Variants in COL13A1 observed in about 807,000 individuals in gnomAD.
The protein encoded by COL13A1 is collagen type XIII alpha 1 chain.
Under a neutral mutation model 130.9 loss-of-function variants are expected in COL13A1, and 89 were observed. The observed-to-expected ratio is 0.68, with a 90% CI of 0.57 to 0.81. The LOEUF is 0.81. Ranked by LOEUF, COL13A1 falls within the 30% of genes least tolerant of loss-of-function variation. The pLI, the probability that COL13A1 is intolerant of heterozygous loss-of-function variation, is 0.00. For synonymous variants in COL13A1, 402 were observed against 341.6 expected (o/e 1.18, Z -1.95); for missense variants, 879 against 934.6 (o/e 0.94, Z 0.78).
At chr10:69,859,742 C>T (rs1857452025) in intron 2 of COL13A1, among the ~76,000 whole-genome samples, 1 of 152,250 alleles carries the variant, frequency 6.6e-6, no homozygotes, top group Non-Finnish European at 1.5e-5. Flanking sequence ...TCACAAGGCC[C>T]AGAGCCACAG....
At chr10:69,912,460 G>A (rs1185202969) in intron 17 of COL13A1, among the ~76,000 whole-genome samples, 7 of 152,140 alleles carry the variant, frequency 4.6e-5, no homozygotes, top group Admixed American at 3.9e-4. Context: ...TTTATAGGGA[G>A]AAAACCGTTA....
At position 69,875,115 on chromosome 10, in the gene COL13A1, CCTT is replaced by C; in HGVS notation, c.400-11_400-9del. On this transcript the variant is annotated splice_polypyrimidine_tract_variant and intron_variant, in intron 4 of 40. Coordinates refer to ENST00000645393, the MANE Select transcript of COL13A1 (RefSeq NM_001368882.1). ...CAACCACATCTGACTGTTTCTGCCT[CCTT>C]CATCATCAGGGGGACAAAGGTGCCA... 4 of 1,614,002 alleles carry C rather than the reference CCTT, an allele frequency of 2.5e-6. No homozygotes were observed. The highest frequency in any genetic ancestry group is 3.4e-6 in the Non-Finnish European group (4 of 1,179,892).
chr10:69,886,769 TGATCATAAACCACTG>T (rs1564950088), intron 7 of COL13A1, among the ~76,000 whole-genome samples: 1 of 152,218 alleles, frequency 6.6e-6, no homozygotes, highest in African/African-American at 2.4e-5. Flanking sequence ...TCCTGAATCT[TGATCATAAACCACTG>T]GATCATAAAT....
At chr10:69,845,562 C>A (rs1852807751) in intron 2 of COL13A1, among the ~76,000 whole-genome samples, 1 of 152,124 alleles carries the variant, frequency 6.6e-6, no homozygotes, top group Admixed American at 6.5e-5. Flanking sequence ...CATCCCCAAC[C>A]CACTAGCCTG....
intron 33 of COL13A1, among the ~76,000 whole-genome samples, 170 bp from the exon 34 acceptor site, chr10:69,937,465 C>T (rs1160292932): frequency 6.6e-6 from 1 of 152,164 alleles, no homozygotes; most frequent in Admixed American, 6.5e-5. Context: ...GGGCTACTAA[C>T]TGAGGCGAGA....
At chr10:69,911,031 A>G (rs1406627018) in intron 17 of COL13A1, among the ~76,000 whole-genome samples, 1 of 151,986 alleles carries the variant, frequency 6.6e-6, no homozygotes, top group Admixed American at 6.5e-5. Flanking sequence ...AACTGCAGCT[A>G]CCCCTCCTGG....
In COL13A1 at chr10:69,884,500, A is replaced by G. The variant is rs535718609; in HGVS notation, c.514-2956A>G. ...GAGACTTCTTGGTAGGCTTTTTCCA[A>G]CAAGAATCTTCTGTCTGTGTATTTG... On this transcript the variant is annotated intron_variant, in intron 7 of 40. Transcript: ENST00000645393. Among the ~76,000 whole-genome samples, 6 of 152,270 alleles carry G rather than the reference A, an allele frequency of 3.9e-5. No homozygotes were observed. The East Asian group carries it at 7.7e-4, about 20-fold the overall frequency.
At chr10:69,885,148 G>T (rs2060485825) in intron 7 of COL13A1, among the ~76,000 whole-genome samples, 1 of 152,154 alleles carries the variant, frequency 6.6e-6, no homozygotes, top group South Asian at 2.1e-4. Flanking sequence ...ACTGGGGAAG[G>T]CCCTTTTAAA....
chr10:69,910,372 G>T (rs1008567372), intron 17 of COL13A1, among the ~76,000 whole-genome samples: 3 of 151,966 alleles, frequency 2.0e-5, no homozygotes, highest in African/African-American at 7.3e-5. Context: ...CGGGACCTGT[G>T]GGGTAACTGA....
At chr10:69,805,951 A>G (rs1028611650) in intron 1 of COL13A1, among the ~76,000 whole-genome samples, 4 of 152,244 alleles carry the variant, frequency 2.6e-5, no homozygotes, top group Admixed American at 2.0e-4. Context: ...GCATCTGGTG[A>G]GTTTGGAGGC....
chr10:69,858,048 A>G (rs1589112770), intron 2 of COL13A1, among the ~76,000 whole-genome samples: 1 of 143,226 alleles, frequency 7.0e-6, no homozygotes, highest in Non-Finnish European at 1.5e-5. Context: ...CCCGGGAGGC[A>G]GAGGTTGCAG....
intron 19 of COL13A1, among the ~76,000 whole-genome samples, 185 bp downstream of exon 19, chr10:69,918,502 C>A (rs140014390): frequency 6.6e-6 from 1 of 152,206 alleles, no homozygotes; most frequent in Non-Finnish European, 1.5e-5. Context: ...AGATGTGTAA[C>A]TAAGCCTTGC....
At chr10:69,890,555 G>A (rs1033900335) in intron 10 of COL13A1, among the ~76,000 whole-genome samples, 2 of 152,206 alleles carry the variant, frequency 1.3e-5, no homozygotes, top group African/African-American at 4.8e-5. Flanking sequence ...TGCTCCAAGC[G>A]CTGGTGTGAA....
At chr10:69,816,115 T>A (rs1436252435) in intron 1 of COL13A1, among the ~76,000 whole-genome samples, 1 of 150,894 alleles carries the variant, frequency 6.6e-6, no homozygotes, top group East Asian at 1.9e-4. Context: ...GCTGCCGTGT[T>A]GAGAAAGGTC....
chr10:69,935,078 G>T (rs1275472273), intron 31 of COL13A1, among the ~76,000 whole-genome samples: 4 of 147,014 alleles, frequency 2.7e-5, no homozygotes, highest in Non-Finnish European at 4.5e-5. Flanking sequence ...TGTTTTTTTT[G>T]TTTTTTTTTT....
At chr10:69,922,872 C>G (rs774579882) in intron 23 of COL13A1, 78 bp downstream of exon 23, 1 of 951,906 alleles carries the variant, frequency 1.1e-6, no homozygotes, top group Admixed American at 3.2e-5. Context: ...GGGGACTCTA[C>G]GTCCCGGACA....
chr10:69,891,968 C>T (rs577808166), intron 10 of COL13A1, among the ~76,000 whole-genome samples: 63 of 152,326 alleles, frequency 4.1e-4, no homozygotes, highest in African/African-American at 1.2e-3. Flanking sequence ...GCACTTTGTC[C>T]TGGAGGAAAG....
intron 1 of COL13A1, among the ~76,000 whole-genome samples, chr10:69,813,377 G>A (rs1282081677): frequency 6.6e-6 from 1 of 152,186 alleles, no homozygotes; most frequent in African/African-American, 2.4e-5. Flanking sequence ...TTCGTCATAC[G>A]AATGCTGCAA....
chr10:69,931,059 A>G (rs1007439823), intron 30 of COL13A1: 1 of 405,940 alleles, frequency 2.5e-6, no homozygotes, highest in Non-Finnish European at 5.0e-6. Flanking sequence ...CTAGACACCT[A>G]CCCTTGGAGC....
Sources: gnomAD v4.1 joint callset for allele counts (sites outside exome capture counted in the v4.1 genomes callset) on GRCh38, gnomAD v4.1.1 for gene constraint, MANE v1.5 for transcripts, NCBI Gene and HGNC (gene_info 2026-07-23, HGNC 2026-07-21) for gene names.